The following VAV3 variants were observed in gnomAD, a reference collection of about 807,000 sequenced individuals.
VAV3 encodes guanine nucleotide exchange factor VAV3.
In VAV3, 94 loss-of-function variants were observed where a neutral mutation model predicts 131.2. The observed-to-expected ratio is 0.72, with a 90% CI of 0.61 to 0.85. The LOEUF is 0.85. Ranked by LOEUF, VAV3 falls within the 40% of genes least tolerant of loss-of-function variation. The pLI is 0.00. For missense variants in VAV3, 939 were observed against 1,002.7 expected, an observed-to-expected ratio of 0.94 and a Z score of 0.86; for synonymous variants, 349 against 342.0, an observed-to-expected ratio of 1.02 and a Z score of -0.22.
intron 22 of VAV3, among the ~76,000 whole-genome samples, chr1:107,604,688 A>C (rs943777241): frequency 6.6e-6 from 1 of 151,848 alleles, no homozygotes; most frequent in Non-Finnish European, 1.5e-5. Context: ...TGTACTACCT[A>C]CTCCATTATT....
In VAV3 at chr1:107,740,047, G is replaced by A. The variant is rs117740082; in HGVS notation, c.1502+8921C>T. ...CACGCCTGAAATCCCACCACTTTGGGAGGCCAAGATGTGCGGATCACCTGA... is the reference window on the plus strand; with the variant it reads ...CACGCCTGAAATCCCACCACTTTGGAAGGCCAAGATGTGCGGATCACCTGA... On this transcript the variant is annotated intron_variant, in intron 15 of 26. Transcript: ENST00000370056. Among the ~76,000 whole-genome samples the A allele has an allele frequency of 2.2e-3, 339 of 152,328 alleles. 8 individuals carry two copies. In the East Asian group the frequency reaches 0.06, roughly 27 times the overall value.
At chr1:107,626,752 C>T (rs1218898709) in intron 20 of VAV3, among the ~76,000 whole-genome samples, 1 of 152,194 alleles carries the variant, frequency 6.6e-6, no homozygotes, top group Non-Finnish European at 1.5e-5. Flanking sequence ...AGGGGAAAAA[C>T]ACTTACCAGT....
At chr1:107,883,191 T>C (rs1670864204) in intron 1 of VAV3, among the ~76,000 whole-genome samples, 3 of 152,344 alleles carry the variant, frequency 2.0e-5, no homozygotes, top group South Asian at 4.1e-4. Flanking sequence ...TGTAATTATA[T>C]TGAAATGGCT....
intron 2 of VAV3, among the ~76,000 whole-genome samples, chr1:107,835,990 G>T (rs1045764496): frequency 6.6e-6 from 1 of 152,174 alleles, no homozygotes; most frequent in African/African-American, 2.4e-5. Flanking sequence ...CAGGCATGGT[G>T]CCTAAATATA....
chr1:107,597,815 T>C (rs1215800762), intron 24 of VAV3, among the ~76,000 whole-genome samples: 1 of 152,162 alleles, frequency 6.6e-6, no homozygotes. Context: ...ACAAAGAATA[T>C]ATAAAGTACC....
intron 19 of VAV3, chr1:107,669,570 G>A (rs1393107615): frequency 6.7e-5 from 80 of 1,186,634 alleles, no homozygotes; most frequent in Non-Finnish European, 8.3e-5. Flanking sequence ...GCTGATGGTT[G>A]TAAATAAAGG....
intron 1 of VAV3, among the ~76,000 whole-genome samples, chr1:107,936,006 C>T (rs1002827875): frequency 2.0e-5 from 3 of 152,068 alleles, no homozygotes; most frequent in African/African-American, 7.2e-5. Context: ...CACATTTATG[C>T]CCCTTTTGGA....
chr1:107,791,838 T>C (rs1357234574), intron 2 of VAV3, among the ~76,000 whole-genome samples: 1 of 152,200 alleles, frequency 6.6e-6, no homozygotes, highest in Non-Finnish European at 1.5e-5. Flanking sequence ...AAGTGATTAG[T>C]ATTATATAAT....
At chr1:107,953,624 G>A (rs991126865) in intron 1 of VAV3, among the ~76,000 whole-genome samples, 1 of 152,182 alleles carries the variant, frequency 6.6e-6, no homozygotes, top group African/African-American at 2.4e-5. Context: ...GCAAAGAGAA[G>A]GAAACATGAA....
intron 2 of VAV3, among the ~76,000 whole-genome samples, chr1:107,816,395 G>A (rs1667562088): frequency 6.6e-6 from 1 of 152,162 alleles, no homozygotes. Flanking sequence ...CTCATCTAGT[G>A]CCAAGCATAT....
At chr1:107,610,644 G>C (rs1318381525) in intron 21 of VAV3, among the ~76,000 whole-genome samples, 1 of 152,074 alleles carries the variant, frequency 6.6e-6, no homozygotes, top group East Asian at 1.9e-4. Flanking sequence ...TTCACATAGA[G>C]CTTCGCACAA....
At chr1:107,920,580 T>A (rs550717713) in intron 1 of VAV3, among the ~76,000 whole-genome samples, 57 of 152,362 alleles carry the variant, frequency 3.7e-4, no homozygotes, top group African/African-American at 1.2e-3. Flanking sequence ...CCCAACTAGT[T>A]TGAACTCTCC....
intron 19 of VAV3, among the ~76,000 whole-genome samples, chr1:107,643,025 C>T (rs1469376986): frequency 6.6e-6 from 1 of 152,100 alleles, no homozygotes; most frequent in Non-Finnish European, 1.5e-5. Context: ...AAATATTTCT[C>T]CTTCAGCTGA....
intron 15 of VAV3, among the ~76,000 whole-genome samples, chr1:107,737,453 C>T (rs1325844947): frequency 4.6e-5 from 7 of 152,002 alleles, no homozygotes; most frequent in Admixed American, 6.6e-5. Context: ...TGCAATCTAC[C>T]CATCTGACAA....
chr1:107,596,562 TTACCCCC>T (rs17229691), intron 24 of VAV3, among the ~76,000 whole-genome samples: 2,623 of 152,168 alleles, frequency 0.017, 36 homozygotes, highest in Admixed American at 0.034. Flanking sequence ...ATAATATGAG[TTACCCCC>T]TATTGTTATT....
chr1:107,649,561 CT>C (rs934798446), intron 19 of VAV3, among the ~76,000 whole-genome samples: 1 of 151,136 alleles, frequency 6.6e-6, no homozygotes, highest in Non-Finnish European at 1.5e-5. Flanking sequence ...ATCCCCTTGG[CT>C]TTTTTTTTGT....
intron 2 of VAV3, among the ~76,000 whole-genome samples, chr1:107,845,183 C>A (rs544271251): frequency 2.0e-5 from 3 of 152,284 alleles, no homozygotes; most frequent in Admixed American, 2.0e-4. Context: ...AGTAGACCTC[C>A]AGCCAGACCT....
rs542150264 is a variant in VAV3 at position 107,903,626 on chromosome 1, G to A, written c.205-28609C>T. On this transcript the variant is annotated intron_variant, in intron 1 of 26. Transcript: ENST00000370056. ...ACCTAAGATACTCACTACAGAAGCT[G>A]AGTATGCATCTTTATCCCCACTGCA... 2.6e-5 allele frequency among the ~76,000 whole-genome samples: 4 copies of A among 152,232 alleles called. No homozygotes were observed. In the South Asian group the frequency reaches 8.3e-4, roughly 32 times the overall value.
intron 19 of VAV3, among the ~76,000 whole-genome samples, chr1:107,660,862 T>C (rs889107587): frequency 7.2e-5 from 11 of 152,122 alleles, no homozygotes; most frequent in South Asian, 2.1e-4. Context: ...ATTAGAAAAA[T>C]TGCAAACGCT....
Sources: allele counts gnomAD v4.1 joint callset (sites outside exome capture counted in the v4.1 genomes callset), GRCh38; gene constraint gnomAD v4.1.1; transcripts MANE v1.5; gene names NCBI Gene and HGNC (gene_info 2026-07-23, HGNC 2026-07-21).